AUTS2: variants seen among roughly 807,000 people sequenced by gnomAD.
AUTS2 encodes the protein autism susceptibility gene 2 protein.
A neutral mutation model predicts 112.4 loss-of-function variants in AUTS2; 17 were observed. The ratio of observed to expected loss-of-function variants is 0.15; its 90% CI spans 0.10 to 0.23. The LOEUF (loss-of-function observed/expected upper bound fraction) is 0.23. Among genes scored for constraint, AUTS2 ranks in the 10% least tolerant of loss-of-function variants. AUTS2 has a pLI of 1.00. For synonymous variants in AUTS2, 751 were observed against 702.7 expected (o/e 1.07, Z -1.09); for missense variants, 1,510 against 1,701.6 (o/e 0.89, Z 1.98).
intron 1 of AUTS2, among the ~76,000 whole-genome samples, chr7:69,609,547 A>G (rs1173414272): frequency 3.9e-5 from 6 of 152,202 alleles, no homozygotes; most frequent in African/African-American, 1.4e-4. Flanking sequence ...ATTATTTGGA[A>G]GTAAGATGAC....
At chr7:70,056,569 T>G (rs1042641869) in intron 2 of AUTS2, among the ~76,000 whole-genome samples, 1 of 152,148 alleles carries the variant, frequency 6.6e-6, no homozygotes, top group Non-Finnish European at 1.5e-5. Flanking sequence ...TGAATTCAAG[T>G]GTTTAGAAGA....
chr7:70,258,515 G>A (rs149797875), intron 4 of AUTS2, among the ~76,000 whole-genome samples: 90 of 152,228 alleles, frequency 5.9e-4, no homozygotes, highest in African/African-American at 1.8e-3. Context: ...AAGTTATCCA[G>A]CTTGCTGAAG....
chr7:70,024,845 A>G (rs538638206), intron 2 of AUTS2, among the ~76,000 whole-genome samples: 1 of 152,330 alleles, frequency 6.6e-6, no homozygotes, highest in Admixed American at 6.5e-5. Flanking sequence ...ACCCACCCAC[A>G]TTATAGAGGA....
chr7:69,997,779 T>C (rs1563025106), intron 2 of AUTS2, among the ~76,000 whole-genome samples: 1 of 152,176 alleles, frequency 6.6e-6, no homozygotes, highest in Non-Finnish European at 1.5e-5. Context: ...AACACCTCCC[T>C]ATGCCCAGCT....
chr7:70,469,754 C>T (rs1029294720), intron 5 of AUTS2, among the ~76,000 whole-genome samples: 4 of 152,234 alleles, frequency 2.6e-5, no homozygotes, highest in African/African-American at 9.6e-5. Flanking sequence ...GATTCTCCTG[C>T]CTCAGCCTCT....
chr7:70,320,301 G>A (rs1021646885), intron 4 of AUTS2, among the ~76,000 whole-genome samples: 3 of 152,180 alleles, frequency 2.0e-5, no homozygotes, highest in Non-Finnish European at 2.9e-5. Flanking sequence ...TTACCTTTGT[G>A]TTGAGAAGGG....
chr7:69,877,167 C>G (rs1793841115), intron 1 of AUTS2, among the ~76,000 whole-genome samples: 3 of 152,084 alleles, frequency 2.0e-5, no homozygotes, highest in Admixed American at 6.6e-5. Context: ...GTATATAGGC[C>G]TTGATTTATA....
intron 6 of AUTS2, among the ~76,000 whole-genome samples, chr7:70,734,045 T>A (rs1279380811): frequency 6.6e-6 from 1 of 152,108 alleles, no homozygotes; most frequent in African/African-American, 2.4e-5. Flanking sequence ...CCCGGCAACA[T>A]GGGACAGAGC....
chr7:70,213,571 C>T (rs979450998), intron 4 of AUTS2, among the ~76,000 whole-genome samples: 10 of 151,420 alleles, frequency 6.6e-5, no homozygotes, highest in African/African-American at 2.4e-4. Context: ...ATTTTAAATG[C>T]ACTTCAACTT....
intron 2 of AUTS2, among the ~76,000 whole-genome samples, chr7:69,996,375 C>T (rs557921611): frequency 1.3e-5 from 2 of 152,258 alleles, no homozygotes; most frequent in East Asian, 1.9e-4. Context: ...TTGTGTTCTG[C>T]GTGGATTGCA....
intron 4 of AUTS2, among the ~76,000 whole-genome samples, chr7:70,340,456 A>G (rs545586348): frequency 6.6e-6 from 1 of 152,260 alleles, no homozygotes; most frequent in East Asian, 1.9e-4. Context: ...TAGAGGTGCT[A>G]ATGAGCAGCA....
At chr7:69,802,414 C>T (rs1790125055) in intron 1 of AUTS2, among the ~76,000 whole-genome samples, 1 of 152,280 alleles carries the variant, frequency 6.6e-6, no homozygotes, top group Non-Finnish European at 1.5e-5. Context: ...ACAGTGTCCC[C>T]TGCATGGGGA....
intron 4 of AUTS2, among the ~76,000 whole-genome samples, chr7:70,329,317 A>G (rs1279983908): frequency 6.6e-6 from 1 of 152,152 alleles, no homozygotes; most frequent in Admixed American, 6.5e-5. Flanking sequence ...GCAGGACGAT[A>G]TGATACTTCT....
In AUTS2 at chr7:70,263,005, T is replaced by C. The variant is rs1224005642; in HGVS notation, c.660+128434T>C. Reference sequence around the variant, plus strand: ...ACAAATATACATAAACTTCAGTAAATTTTATTAGTTTTATTTTTTGCCCTG... The same window carrying C: ...ACAAATATACATAAACTTCAGTAAACTTTATTAGTTTTATTTTTTGCCCTG... On this transcript the variant is annotated intron_variant, in intron 4 of 18. Coordinates refer to ENST00000342771, the MANE Select transcript of AUTS2 (RefSeq NM_015570.4). 2.0e-5 allele frequency among the ~76,000 whole-genome samples: 3 copies of C among 152,310 alleles called. No homozygotes were observed. The East Asian group carries it at 5.8e-4, about 29-fold the overall frequency.
chr7:70,244,155 A>G (rs1021325157), intron 4 of AUTS2, among the ~76,000 whole-genome samples: 7 of 152,012 alleles, frequency 4.6e-5, no homozygotes, highest in African/African-American at 1.7e-4. Flanking sequence ...TTATTTTTTT[A>G]TTTTCCACAG....
intron 1 of AUTS2, among the ~76,000 whole-genome samples, chr7:69,860,252 C>T (rs1210984274): frequency 6.6e-6 from 1 of 151,840 alleles, no homozygotes; most frequent in Non-Finnish European, 1.5e-5. Context: ...AGGGCTGGAG[C>T]CTGGGGCTCT....
chr7:69,904,775 A>C (rs1247416121), intron 2 of AUTS2, among the ~76,000 whole-genome samples: 2 of 152,176 alleles, frequency 1.3e-5, no homozygotes, highest in African/African-American at 4.8e-5. Flanking sequence ...CCTTTTTATG[A>C]ATTTAAGTTG....
intron 4 of AUTS2, among the ~76,000 whole-genome samples, chr7:70,192,505 G>A (rs1809956394): frequency 6.6e-6 from 1 of 152,172 alleles, no homozygotes; most frequent in South Asian, 2.1e-4. Context: ...TAATTGCAAA[G>A]CACTACCAAC....
At chr7:70,672,032 G>C (rs1807670404) in intron 5 of AUTS2, among the ~76,000 whole-genome samples, 1 of 152,236 alleles carries the variant, frequency 6.6e-6, no homozygotes. Context: ...CGGTGAACTG[G>C]GTTTGGAGTT....
Sources: allele counts gnomAD v4.1 joint callset (sites outside exome capture counted in the v4.1 genomes callset), GRCh38; gene constraint gnomAD v4.1.1; transcripts MANE v1.5; gene names NCBI Gene and HGNC (gene_info 2026-07-23, HGNC 2026-07-21).